Variants in ASTN2 observed in about 807,000 individuals in gnomAD.
The protein encoded by ASTN2 is astrotactin-2.
A neutral mutation model predicts 139.8 loss-of-function variants in ASTN2; 54 were observed. That is an observed-to-expected ratio of 0.39 (90% CI 0.31 to 0.48). The LOEUF is 0.48. ASTN2 is among the 20% of genes least tolerant of loss of function. The pLI, the probability that ASTN2 is intolerant of heterozygous loss-of-function variation, is 0.95. For missense variants in ASTN2, 1,565 were observed against 1,725.1 expected (o/e 0.91, Z 1.64); for synonymous variants, 756 against 719.5 (o/e 1.05, Z -0.81).
chr9:117,381,122 G>A (rs1490570802), intron 1 of ASTN2, among the ~76,000 whole-genome samples: 1 of 152,180 alleles, frequency 6.6e-6, no homozygotes. Flanking sequence ...ATTTCTAGGT[G>A]AAAGAAGGTC....
chr9:116,863,725 G>T lies in ASTN2; in HGVS notation c.1898C>A (p.Ala633Glu), dbSNP rs752461666. 3.1e-6 allele frequency: 5 copies of T among 1,611,750 alleles called. No individual in the cohort carries two copies. Among genetic ancestry groups the T allele is most frequent in the Admixed American group, 1.7e-5 (1 of 59,844 alleles). ...TEDPADVREE[A>E]MLSTYFETIN... ...GGTTTCAAAGTATGTGGACAGCATC[G>T]CTTCTTCCCTTGGAGAGAAAGGGGA... The change falls in exon 11 of 23, where the codon GCG becomes GAG. Residue 633 changes from alanine to glutamate, a missense_variant. Coordinates refer to ENST00000313400, the MANE Select transcript of ASTN2 (RefSeq NM_001365068.1).
chr9:117,039,949 T>C lies in ASTN2; in HGVS notation c.1293A>G (p.Pro431=), dbSNP rs1310316864. 3 of 1,611,742 alleles carry C rather than the reference T, an allele frequency of 1.9e-6. No homozygotes were observed. The highest frequency in any genetic ancestry group is 1.3e-5 in the African/African-American group (1 of 74,838). ...TCAGTGTCAGGGCTGTCTTGTTCAC[T>C]GGGCTTTTCAGCAAACCTGGTAACA... is the stretch of plus-strand genomic sequence containing the variant. The part of the protein sequence containing the change: ...RRRSKGLLKS[P]VNKTALTLIA... The change falls in exon 6 of 23, where the codon CCA becomes CCG. Residue 431 remains proline (P), a synonymous_variant. Transcript: ENST00000313400.
At chr9:116,784,172 T>C (rs994455066) in intron 13 of ASTN2, among the ~76,000 whole-genome samples, 46 of 152,304 alleles carry the variant, frequency 3.0e-4, no homozygotes, top group African/African-American at 1.1e-3. Context: ...CACATCTACT[T>C]AGCTCCGAAG....
intron 2 of ASTN2, among the ~76,000 whole-genome samples, chr9:117,233,764 C>G (rs74576908): frequency 6.6e-6 from 1 of 151,992 alleles, no homozygotes; most frequent in African/African-American, 2.4e-5. Flanking sequence ...ATGAGACTGA[C>G]CAAGGAAGAA....
chr9:116,610,772 A>G (rs1855495451), intron 19 of ASTN2: 1 of 152,222 alleles, frequency 6.6e-6, no homozygotes, highest in African/African-American at 2.4e-5. Flanking sequence ...TGAAAATTCT[A>G]AATGTTTATG....
chr9:117,112,768 G>C (rs1354515949), intron 4 of ASTN2, among the ~76,000 whole-genome samples: 2 of 152,036 alleles, frequency 1.3e-5, no homozygotes, highest in African/African-American at 4.8e-5. Context: ...CTGGAGTTTA[G>C]AAAAATGAAA....
intron 11 of ASTN2, among the ~76,000 whole-genome samples, chr9:116,832,991 A>C (rs1564292294): frequency 6.9e-6 from 1 of 145,980 alleles, no homozygotes; most frequent in Non-Finnish European, 1.5e-5. Flanking sequence ...ATTCTTCTTT[A>C]AACATTTGGT....
chr9:116,803,328 T>TTA (rs397965343), intron 13 of ASTN2, among the ~76,000 whole-genome samples: 4 of 148,356 alleles, frequency 2.7e-5, no homozygotes, highest in South Asian at 2.1e-4. Context: ...TTTTTTTTTT[T>TTA]AAATAGAGAC....
intron 19 of ASTN2, among the ~76,000 whole-genome samples, chr9:116,505,671 T>C (rs1484086463): frequency 6.6e-6 from 1 of 152,210 alleles, no homozygotes; most frequent in African/African-American, 2.4e-5. Context: ...TCGGGGGCAC[T>C]CATGTTGCAC....
In ASTN2 at chr9:116,699,719, T is replaced by C. The variant is rs1861079406; in HGVS notation, c.2806+26052A>G. 2 of 1,614,076 alleles carry C rather than the reference T, an allele frequency of 1.2e-6. No individual in the cohort carries two copies. Among genetic ancestry groups the C allele is most frequent in the Admixed American group, 1.7e-5 (1 of 60,008 alleles). On this transcript the variant is annotated intron_variant, in intron 16 of 22. Coordinates refer to ENST00000313400, the MANE Select transcript of ASTN2 (RefSeq NM_001365068.1). The surrounding 1 kb of genome is among the most constrained non-coding windows in gnomAD (Gnocchi z 4.2). ...CCACCCCATAGGGGATGAGAAATTA[T>C]CAGTTTCTTCTGCTCCCAAGCCAAC...
intron 3 of ASTN2, among the ~76,000 whole-genome samples, chr9:117,178,224 AC>A (rs1830966248): frequency 1.3e-5 from 2 of 152,158 alleles, no homozygotes; most frequent in Non-Finnish European, 2.9e-5. Flanking sequence ...CATTCATGTA[AC>A]AAATGTCCAT....
intron 11 of ASTN2, among the ~76,000 whole-genome samples, chr9:116,834,789 C>T (rs1014901036): frequency 6.6e-6 from 1 of 152,132 alleles, no homozygotes. Flanking sequence ...GGCTTATGCC[C>T]GTAATCCCAG....
At chr9:117,038,389 C>A (rs141188607) in intron 6 of ASTN2, among the ~76,000 whole-genome samples, 2 of 152,042 alleles carry the variant, frequency 1.3e-5, no homozygotes, top group Admixed American at 6.6e-5. Flanking sequence ...AGAGCACTAA[C>A]TGGAAGGAGG....
At chr9:116,794,842 A>G (rs1029219340) in intron 13 of ASTN2, among the ~76,000 whole-genome samples, 1 of 152,226 alleles carries the variant, frequency 6.6e-6, no homozygotes, top group Non-Finnish European at 1.5e-5. Context: ...TAGGACAGGT[A>G]GTAGGTGAGC....
chr9:117,211,819 C>A (rs1001963388), intron 3 of ASTN2, among the ~76,000 whole-genome samples: 2 of 152,036 alleles, frequency 1.3e-5, no homozygotes, highest in South Asian at 4.2e-4. Context: ...TAAAACAATA[C>A]AATAAAATAC....
At chr9:116,976,075 A>T (rs1183410090) in intron 9 of ASTN2, 39 bp downstream of exon 9, 1 of 1,594,778 alleles carries the variant, frequency 6.3e-7, no homozygotes, top group Non-Finnish European at 8.6e-7. Context: ...TCCTTTCTCC[A>T]TTTCCCAGAA....
At chr9:116,622,502 C>G (rs1856212175) in intron 17 of ASTN2, among the ~76,000 whole-genome samples, 1 of 152,196 alleles carries the variant, frequency 6.6e-6, no homozygotes, top group South Asian at 2.1e-4. Flanking sequence ...TCCTGAGACA[C>G]AGATATTACG....
At chr9:116,940,673 A>G (rs1369586281) in intron 10 of ASTN2, among the ~76,000 whole-genome samples, 4 of 152,222 alleles carry the variant, frequency 2.6e-5, no homozygotes, top group Non-Finnish European at 4.4e-5. Context: ...AGTTTTAGTA[A>G]TCTAGGTTTA....
intron 2 of ASTN2, among the ~76,000 whole-genome samples, chr9:117,217,421 T>C (rs1488525334): frequency 1.3e-5 from 2 of 152,148 alleles, no homozygotes; most frequent in Non-Finnish European, 2.9e-5. Flanking sequence ...CCAGGACCAA[T>C]ACTGACCTAG....
Sources: allele counts gnomAD v4.1 joint callset (sites outside exome capture counted in the v4.1 genomes callset), GRCh38; gene constraint gnomAD v4.1.1; non-coding constraint Gnocchi (gnomAD v3.1); transcripts MANE v1.5; gene names NCBI Gene and HGNC (gene_info 2026-07-23, HGNC 2026-07-21).